The following LPA variants were observed in gnomAD, a reference collection of about 807,000 sequenced individuals.
The protein encoded by LPA is lipoprotein(a).
A neutral mutation model predicts 197.9 loss-of-function variants in LPA; 199 were observed. The observed-to-expected ratio is 1.01, with a 90% confidence interval of 0.90 to 1.13. The LOEUF is 1.13. Among genes scored for constraint, LPA ranks in the 50% most tolerant of loss-of-function variants. The pLI is 0.00. For missense variants in LPA, 1,853 were observed against 1,785.8 expected (o/e 1.04, Z -0.68); for synonymous variants, 715 against 639.5 (o/e 1.12, Z -1.78).
In LPA at chr6:160,553,970, TGC is replaced by T. The variant is rs1164570290; in HGVS notation, c.4973+2053_4973+2054del. On this transcript the variant is annotated intron_variant, in intron 30 of 38. Coordinates refer to ENST00000316300, the MANE Select transcript of LPA (RefSeq NM_005577.4). ...GTGTGTGTGTGCGCGCGCGCGCGTG[TGC>T]GTGTGTGTGTGTCTTACAGATTGTA... Among the ~76,000 whole-genome samples the T allele has an allele frequency of 2.1e-3, 268 of 127,340 alleles. 1 individual carries two copies. Among genetic ancestry groups the T allele is most frequent in the Non-Finnish European group, 4.0e-3 (235 of 59,400 alleles). 83.5% of individuals were successfully genotyped at this position (127,340 alleles called of 152,430 possible).
intron 1 of LPA, among the ~76,000 whole-genome samples, chr6:160,655,585 G>A (rs1165140227): frequency 1.3e-5 from 2 of 152,284 alleles, no homozygotes; most frequent in East Asian, 3.9e-4. Context: ...CTCTTTCTTG[G>A]TTGTAAGAGG....
chr6:160,657,205 G>A (rs955084447), intron 1 of LPA, among the ~76,000 whole-genome samples: 14 of 151,998 alleles, frequency 9.2e-5, no homozygotes, highest in African/African-American at 2.2e-4. Context: ...ACAAAGCTTC[G>A]GCCAAGGGTG....
At chr6:160,588,619 G>A (rs1778962308) in intron 24 of LPA, among the ~76,000 whole-genome samples, 1 of 152,158 alleles carries the variant, frequency 6.6e-6, no homozygotes, top group South Asian at 2.1e-4. Flanking sequence ...AAGCCTTGAG[G>A]AGACTTCTGT....
At chr6:160,560,190 T>C (rs1778337910) in intron 28 of LPA, among the ~76,000 whole-genome samples, 2 of 152,238 alleles carry the variant, frequency 1.3e-5, no homozygotes, top group South Asian at 2.1e-4. Context: ...AGTCTATCAT[T>C]GATGGGCATT....
At chr6:160,553,222 A>T (rs576925679) in intron 30 of LPA, among the ~76,000 whole-genome samples, 1 of 152,342 alleles carries the variant, frequency 6.6e-6, no homozygotes, top group African/African-American at 2.4e-5. Context: ...ACATTTAAAA[A>T]TTAGATAAAT....
At chr6:160,615,352 T>TGTGTGTGTGTG (rs1562346207) in intron 14 of LPA, among the ~76,000 whole-genome samples, 4 of 122,304 alleles carry the variant, frequency 3.3e-5, no homozygotes, top group Non-Finnish European at 7.1e-5. Flanking sequence ...TGTTTTCAGT[T>TGTGTGTGTGTG]TGTGTGTGTG....
At chr6:160,600,584 T>C (rs1321746984) in intron 19 of LPA, among the ~76,000 whole-genome samples, 1 of 152,116 alleles carries the variant, frequency 6.6e-6, no homozygotes, top group East Asian at 1.9e-4. Flanking sequence ...CTGGAAAAGT[T>C]TACTGGCTTG....
intron 2 of LPA, among the ~76,000 whole-genome samples, chr6:160,647,452 G>T (rs112001850): frequency 6.2e-4 from 94 of 152,198 alleles, no homozygotes; most frequent in African/African-American, 2.1e-3. Context: ...GTCTCTAGTG[G>T]CTCTACACAT....
intron 37 of LPA, among the ~76,000 whole-genome samples, chr6:160,534,041 C>G (rs1374741406): frequency 6.6e-6 from 1 of 152,192 alleles, no homozygotes; most frequent in South Asian, 2.1e-4. Context: ...GGCACTCTCT[C>G]CTGCTTTCCC....
intron 20 of LPA, among the ~76,000 whole-genome samples, chr6:160,598,761 A>C (rs1177699374): frequency 6.6e-6 from 1 of 152,146 alleles, no homozygotes; most frequent in Non-Finnish European, 1.5e-5. Context: ...GTTTGTACCC[A>C]TTGAAAAAGA....
In LPA at chr6:160,581,461, G is replaced by A. The variant is rs1347597964; in HGVS notation, c.4290-2757C>T. On this transcript the variant is annotated intron_variant, in intron 26 of 38. Transcript: ENST00000316300. ...ACTACAGGCACATGGCACCAAACCT[G>A]GCTAATTTTTTTAAATATTTGTAGA... Among the ~76,000 whole-genome samples, 4 of 151,922 alleles carry A rather than the reference G, an allele frequency of 2.6e-5. 1 individual carries two copies. In the South Asian group the frequency reaches 6.2e-4, roughly 24 times the overall value.
chr6:160,575,858 G>A (rs1161684389), intron 28 of LPA, among the ~76,000 whole-genome samples: 1 of 152,082 alleles, frequency 6.6e-6, no homozygotes, highest in Non-Finnish European at 1.5e-5. Context: ...GTGACTTCTA[G>A]GTACATGACT....
chr6:160,555,455 A>ATGTG (rs112444533), intron 30 of LPA, among the ~76,000 whole-genome samples: 3 of 133,080 alleles, frequency 2.3e-5, no homozygotes, highest in African/African-American at 8.5e-5. Flanking sequence ...ATATATATAT[A>ATGTG]TGTGTGTGTA....
intron 28 of LPA, among the ~76,000 whole-genome samples, chr6:160,576,532 A>G (rs1778682262): frequency 6.9e-6 from 1 of 145,088 alleles, no homozygotes; most frequent in East Asian, 2.0e-4. Context: ...AAATATATAA[A>G]AATACTCAGA....
intron 32 of LPA, among the ~76,000 whole-genome samples, chr6:160,546,734 G>A (rs867453904): frequency 8.5e-5 from 13 of 152,146 alleles, no homozygotes; most frequent in African/African-American, 2.2e-4. Context: ...CTGGAGACTC[G>A]CTTGGGGTGT....
chr6:160,548,561 G>C lies in LPA; in HGVS notation c.5072C>G (p.Thr1691Arg). 1 of 1,614,060 alleles carries C rather than the reference G, an allele frequency of 6.2e-7. No individual in the cohort carries two copies. Among genetic ancestry groups the C allele is most frequent in the Non-Finnish European group, 8.5e-7 (1 of 1,179,986 alleles). ...PSIRWEYCNL[T>R]RCSDTEGTVV... ...AGTCCCTTCTGTGTCTGAGCATCGC[G>C]TCAGGTTGCAGTACTCCCACCTGAT... Residue 1691 changes from threonine (T) to arginine (R), a missense_variant, in exon 31 of 39, where the codon ACG (threonine) becomes AGG (arginine). Transcript: ENST00000316300.
At chr6:160,550,443 T>C (rs1198148461) in intron 30 of LPA, among the ~76,000 whole-genome samples, 1 of 152,180 alleles carries the variant, frequency 6.6e-6, no homozygotes, top group Non-Finnish European at 1.5e-5. Context: ...CAAGCCCAGA[T>C]TCTCCATTCC....
chr6:160,634,529 C>A (rs1290176714), intron 7 of LPA, among the ~76,000 whole-genome samples: 1 of 140,984 alleles, frequency 7.1e-6, no homozygotes, highest in Non-Finnish European at 1.5e-5. Context: ...TAACCTTTCT[C>A]TCTAGACCCC....
Position 160,586,505 on chromosome 6 carries a change from A to G in LPA, c.4073T>C (p.Leu1358Pro). ...LTQCPVMEST[L>P]LTTPTVVPVP... ...TGGGACCACCGTGGGAGTTGTGAGG[A>G]GAGTTGATTCCATCACTGGACATTG... The change falls in exon 25 of 39, where the codon CTC becomes CCC. Residue 1358 changes from leucine (L) to proline (P), a missense_variant. Around this residue, in one of 3 missense-constraint regions of LPA, gnomAD observed 1,737 missense variants for 1,504.4 expected, o/e 1.15. Transcript: ENST00000316300. The G allele has an allele frequency of 6.2e-7, 1 of 1,613,820 alleles. No individual in the cohort carries two copies. Among genetic ancestry groups the G allele is most frequent in the Non-Finnish European group, 8.5e-7 (1 of 1,179,786 alleles).
Sources: gnomAD v4.1 joint callset for allele counts (sites outside exome capture counted in the v4.1 genomes callset) on GRCh38, gnomAD v4.1.1 for gene constraint, gnomAD v4.1.1 regional missense constraint, MANE v1.5 for transcripts, NCBI Gene and HGNC (gene_info 2026-07-23, HGNC 2026-07-21) for gene names.